Variants in OSTF1 observed in about 807,000 individuals in gnomAD.
OSTF1 encodes the protein osteoclast stimulating factor 1.
A neutral mutation model predicts 37.2 loss-of-function variants in OSTF1; 27 were observed. The observed-to-expected ratio is 0.73, with a 90% CI of 0.54 to 1.00. The LOEUF (loss-of-function observed/expected upper bound fraction) is 1.00, where lower values mean the gene tolerates loss of function less well. Ranked by LOEUF, OSTF1 falls within the 50% of genes least tolerant of loss-of-function variation. The probability of loss-of-function intolerance (pLI) is 0.00; values close to 1 mark genes in which losing one functional copy is unlikely to be tolerated. For missense variants in OSTF1, 232 were observed against 253.8 expected (o/e 0.91, Z 0.58); for synonymous variants, 82 against 89.2 (o/e 0.92, Z 0.46).
intron 2 of OSTF1, 47 bp from the exon 3 acceptor site, chr9:75,127,522 T>C (rs1266488382): frequency 2.8e-6 from 3 of 1,063,656 alleles, no homozygotes; most frequent in Admixed American, 2.1e-5. Context: ...AATCATATTC[T>C]AATTCATGAA....
intron 2 of OSTF1, among the ~76,000 whole-genome samples, chr9:75,122,053 C>G (rs1041586799): frequency 6.6e-6 from 1 of 152,222 alleles, no homozygotes; most frequent in Non-Finnish European, 1.5e-5. Flanking sequence ...GTCTTGGCAC[C>G]ACCCAGCCCC....
chr9:75,105,199 G>GAGA (rs1825262584), intron 1 of OSTF1, among the ~76,000 whole-genome samples: 1 of 152,200 alleles, frequency 6.6e-6, no homozygotes, highest in African/African-American at 2.4e-5. Context: ...TGGGGTTGGG[G>GAGA]AGAAGCAGGT....
chr9:75,134,693 G>A (rs990893024), intron 7 of OSTF1, among the ~76,000 whole-genome samples: 7 of 152,074 alleles, frequency 4.6e-5, no homozygotes, highest in African/African-American at 1.4e-4. Flanking sequence ...CCTCCTGTTG[G>A]GTATGTGAAG....
intron 2 of OSTF1, among the ~76,000 whole-genome samples, chr9:75,122,274 T>G (rs1310403225): frequency 1.3e-5 from 2 of 152,102 alleles, no homozygotes; most frequent in East Asian, 3.9e-4. Flanking sequence ...GAGCCACGTG[T>G]AGAGGAAGGA....
At chr9:75,136,517 C>T (rs1332164624) in intron 7 of OSTF1, among the ~76,000 whole-genome samples, 1 of 152,116 alleles carries the variant, frequency 6.6e-6, no homozygotes, top group Non-Finnish European at 1.5e-5. Flanking sequence ...CTCAGCCTCC[C>T]AAGTAGCTGG....
chr9:75,144,606 C>T (rs1267691768), intron 9 of OSTF1, among the ~76,000 whole-genome samples: 4 of 152,142 alleles, frequency 2.6e-5, no homozygotes, highest in Non-Finnish European at 5.9e-5. Flanking sequence ...CAAGATAAAT[C>T]GGCTTCCACC....
chr9:75,096,750 A>C (rs1181537123), intron 1 of OSTF1, among the ~76,000 whole-genome samples: 1 of 152,216 alleles, frequency 6.6e-6, no homozygotes, highest in Admixed American at 6.5e-5. Flanking sequence ...TGGGGAGAAG[A>C]CGCTTCCAAA....
At chr9:75,136,644 G>A (rs1329110339) in intron 7 of OSTF1, among the ~76,000 whole-genome samples, 1 of 152,078 alleles carries the variant, frequency 6.6e-6, no homozygotes, top group Non-Finnish European at 1.5e-5. Flanking sequence ...CGCTCTCCTC[G>A]GTCTCCCAAA....
rs529782273 is a variant in OSTF1, at chr9:75,147,246, A to G, written c.*505A>G. 6.6e-6 allele frequency: 1 copy of G among 152,162 alleles called. No homozygotes were observed. The highest frequency in any genetic ancestry group is 6.5e-5 in the Admixed American group (1 of 15,286). The allele number at this position is 152,162 out of a possible 1,614,324, so 9.4% of individuals were successfully genotyped here. A position where few individuals can be genotyped will look rare whatever the true frequency, so the allele number is the denominator to read the frequency against. ...TATCACTCATTGTCGTTAAGTAAGT[A>G]AAGCTTTTTATATTTAGGTAAGAAC... On this transcript the variant is annotated 3_prime_UTR_variant, in exon 10 of 10. Coordinates refer to ENST00000346234, the MANE Select transcript of OSTF1 (RefSeq NM_012383.5).
chr9:75,089,566 A>G (rs1009158499), intron 1 of OSTF1, among the ~76,000 whole-genome samples: 1 of 152,162 alleles, frequency 6.6e-6, no homozygotes, highest in African/African-American at 2.4e-5. Flanking sequence ...CCGCTCATTC[A>G]TTTGGGTAGG....
intron 5 of OSTF1, among the ~76,000 whole-genome samples, chr9:75,132,523 C>T (rs1292395293): frequency 2.6e-5 from 4 of 152,310 alleles, no homozygotes; most frequent in Admixed American, 2.6e-4. Context: ...ACACATCCTA[C>T]AGCACACAGG....
chr9:75,107,989 C>T (rs914269481), intron 1 of OSTF1, among the ~76,000 whole-genome samples: 4 of 152,100 alleles, frequency 2.6e-5, no homozygotes, highest in African/African-American at 9.7e-5. Context: ...GTAATCCCTA[C>T]ACTTTGGGAG....
chr9:75,140,357 A>G (rs921272680), intron 8 of OSTF1, among the ~76,000 whole-genome samples: 1 of 152,246 alleles, frequency 6.6e-6, no homozygotes, highest in African/African-American at 2.4e-5. Flanking sequence ...AATAAAGGCA[A>G]AGGAAAAGTG....
intron 2 of OSTF1, among the ~76,000 whole-genome samples, chr9:75,117,997 T>C (rs1266347343): frequency 1.3e-5 from 2 of 152,230 alleles, no homozygotes; most frequent in African/African-American, 4.8e-5. Context: ...TATCCGTCCA[T>C]TTATCTGTGG....
rs529210694 is a variant in OSTF1 at position 75,137,304 on chromosome 9, C to T, written c.409-234C>T. On this transcript the variant is annotated intron_variant, in intron 7 of 9. Coordinates refer to ENST00000346234, the MANE Select transcript of OSTF1 (RefSeq NM_012383.5). ...CTCCGCAGGCATGTGCTTTTCAGCTCGTGCTCCACCAAGTCAGCTTGTACT... is the reference window on the plus strand; with the variant it reads ...CTCCGCAGGCATGTGCTTTTCAGCTTGTGCTCCACCAAGTCAGCTTGTACT... 2.1e-4 allele frequency among the ~76,000 whole-genome samples: 32 copies of T among 152,252 alleles called. No homozygotes were observed. The South Asian group carries it at 5.0e-3, about 24-fold the overall frequency.
Position 75,117,569 on chromosome 9 carries a change from A to G in OSTF1, c.81+19A>G. On this transcript the variant is annotated intron_variant, in intron 2 of 9. Coordinates refer to ENST00000346234, the MANE Select transcript of OSTF1 (RefSeq NM_012383.5). ...CAGAACTGTAAGTGTTCAGTTTTTA[A>G]CTTCTAAAATTGACAGAAAAACCTA... 6.4e-7 allele frequency: 1 copy of G among 1,570,138 alleles called. No individual in the cohort carries two copies. Among genetic ancestry groups the G allele is most frequent in the Non-Finnish European group, 8.8e-7 (1 of 1,141,174 alleles).
intron 1 of OSTF1, among the ~76,000 whole-genome samples, chr9:75,114,746 G>A (rs576943627): frequency 6.6e-6 from 1 of 152,184 alleles, no homozygotes; most frequent in South Asian, 2.1e-4. Context: ...TAGAGATGGG[G>A]TTTTGCCATG....
intron 1 of OSTF1, among the ~76,000 whole-genome samples, chr9:75,091,859 A>G (rs1230830836): frequency 6.6e-6 from 1 of 152,230 alleles, no homozygotes; most frequent in Non-Finnish European, 1.5e-5. Flanking sequence ...AAAAATCTCA[A>G]GATTCATAGT....
intron 2 of OSTF1, among the ~76,000 whole-genome samples, chr9:75,122,665 C>G (rs1046498727): frequency 6.6e-6 from 1 of 152,088 alleles, no homozygotes; most frequent in Non-Finnish European, 1.5e-5. Flanking sequence ...TAGTTCAAGT[C>G]CAGGTTCTAC....
Sources: gnomAD v4.1 joint callset for allele counts (sites outside exome capture counted in the v4.1 genomes callset) on GRCh38, gnomAD v4.1.1 for gene constraint, MANE v1.5 for transcripts, NCBI Gene and HGNC (gene_info 2026-07-23, HGNC 2026-07-21) for gene names.